Variants in CEP126 observed in about 807,000 individuals in gnomAD.
CEP126 encodes the protein centrosomal protein 126.
In CEP126, 74 loss-of-function variants were observed where a neutral mutation model predicts 107.8. The observed-to-expected ratio is 0.69, with a 90% CI of 0.57 to 0.83. CEP126 has a LOEUF of 0.83. CEP126 is among the 40% of genes least tolerant of loss of function. The pLI, the probability that CEP126 is intolerant of heterozygous loss-of-function variation, is 0.00. For missense variants in CEP126, 1,237 were observed against 1,281.9 expected, an observed-to-expected ratio of 0.96 and a Z score of 0.53; for synonymous variants, 449 against 446.0, an observed-to-expected ratio of 1.01 and a Z score of -0.08.
At chr11:101,942,397 T>G (rs1223391794) in intron 2 of CEP126, among the ~76,000 whole-genome samples, 1 of 152,078 alleles carries the variant, frequency 6.6e-6, no homozygotes, top group Non-Finnish European at 1.5e-5. Context: ...TTAGATGGTT[T>G]TGGCATCCTT....
chr11:101,915,082 G>A lies in CEP126; in HGVS notation c.-203G>A. 1.5e-6 allele frequency: 1 copy of A among 667,702 alleles called. No homozygotes were observed. The highest frequency in any genetic ancestry group is 2.3e-6 in the Non-Finnish European group (1 of 428,628). 41.4% of individuals were successfully genotyped at this position (667,702 alleles called of 1,614,324 possible). On this transcript the variant is annotated 5_prime_UTR_variant, in exon 1 of 11. Transcript: ENST00000263468. ...CCATCTGCTATTGCCCGGCGAGGTC[G>A]CCGCTGCCTCAGCTGCCATCGCCGC...
At chr11:101,969,734 C>T (rs891339366) in intron 6 of CEP126, among the ~76,000 whole-genome samples, 4 of 152,072 alleles carry the variant, frequency 2.6e-5, no homozygotes, top group African/African-American at 7.2e-5. Flanking sequence ...GTAATTATTA[C>T]AATATGGCAT....
chr11:101,957,639 C>T (rs1357170294), intron 4 of CEP126, among the ~76,000 whole-genome samples: 1 of 152,106 alleles, frequency 6.6e-6, no homozygotes, highest in Non-Finnish European at 1.5e-5. Context: ...CCATTGAGGA[C>T]GATCCAAGTT....
rs767607882 is a variant in CEP126, at chr11:101,948,070, A to C, written c.434A>C (p.Lys145Thr). 5 of 1,612,062 alleles carry C rather than the reference A, an allele frequency of 3.1e-6. No homozygotes were observed. In the African/African-American group the frequency reaches 6.7e-5, roughly 22 times the overall value. The change falls in exon 4 of 11, where the codon AAA becomes ACA. Residue 145 changes from lysine to threonine, a missense_variant. This residue lies in a region of CEP126 where 1,134 missense variants were observed against 1,150.5 expected (regional missense o/e 0.99). Transcript: ENST00000263468. ...KPVPPLEEAL[K>T]QIQESNLKSE... Reference sequence around the variant, plus strand: ...GTTCCTCCATTAGAAGAGGCCCTCAAACAAATTCAGGAATCCAACTTAAAA... The same window carrying C: ...GTTCCTCCATTAGAAGAGGCCCTCACACAAATTCAGGAATCCAACTTAAAA...
At chr11:101,988,644 C>G (rs1301741959) in intron 9 of CEP126, among the ~76,000 whole-genome samples, 1 of 151,942 alleles carries the variant, frequency 6.6e-6, no homozygotes, top group Non-Finnish European at 1.5e-5. Flanking sequence ...ACAACATGTC[C>G]AATGTGCTGA....
At chr11:101,972,580 A>G (rs986288031) in intron 6 of CEP126, among the ~76,000 whole-genome samples, 1 of 152,040 alleles carries the variant, frequency 6.6e-6, no homozygotes, top group Non-Finnish European at 1.5e-5. Flanking sequence ...AGGCAGGCGG[A>G]TCACAAGGTC....
chr11:101,979,723 G>C (rs1227354667), intron 7 of CEP126, among the ~76,000 whole-genome samples: 1 of 152,148 alleles, frequency 6.6e-6, no homozygotes, highest in Admixed American at 6.6e-5. Flanking sequence ...AGGTGACAGA[G>C]CAAGACCCTG....
intron 6 of CEP126, among the ~76,000 whole-genome samples, chr11:101,965,054 A>G (rs923912741): frequency 1.3e-5 from 2 of 152,156 alleles, no homozygotes; most frequent in Non-Finnish European, 2.9e-5. Flanking sequence ...GTGAGAGCAA[A>G]AAAATGATAT....
rs1941491976 is a variant in CEP126 at position 102,000,209 on chromosome 11, G to A, written c.*2566G>A. ...GAATAAATAAAATAAAAATAAAAATGTTACTTTTTAAAAAGTAACTTTTTT... is the reference window on the plus strand; with the variant it reads ...GAATAAATAAAATAAAAATAAAAATATTACTTTTTAAAAAGTAACTTTTTT... On this transcript the variant is annotated 3_prime_UTR_variant, in exon 11 of 11. Coordinates refer to ENST00000263468, the MANE Select transcript of CEP126 (RefSeq NM_020802.4). 1 of 151,950 alleles carries A rather than the reference G, an allele frequency of 6.6e-6. No homozygotes were observed. Among genetic ancestry groups the A allele is most frequent in the Non-Finnish European group, 1.5e-5 (1 of 68,008 alleles). 9.4% of individuals were successfully genotyped at this position (151,950 alleles called of 1,614,324 possible).
Position 102,000,652 on chromosome 11 carries a change from A to G in CEP126, c.*3009A>G, listed in dbSNP as rs1941497224. 1 of 152,112 alleles carries G rather than the reference A, an allele frequency of 6.6e-6. No individual in the cohort carries two copies. The allele number at this position is 152,112 out of a possible 1,614,324, so 9.4% of individuals were successfully genotyped here. A position where few individuals can be genotyped will look rare whatever the true frequency, so the allele number is the denominator to read the frequency against. ...GGTTGCAGTGATCAGGAATTGTGCC[A>G]CTGCACTCCAACCTGAGTGACAGAG... On this transcript the variant is annotated 3_prime_UTR_variant, in exon 11 of 11. Transcript: ENST00000263468.
chr11:101,936,802 C>G (rs1940587404), intron 2 of CEP126, among the ~76,000 whole-genome samples: 1 of 152,138 alleles, frequency 6.6e-6, no homozygotes, highest in South Asian at 2.1e-4. Flanking sequence ...TTTTCTACAT[C>G]TATTTTGATG....
intron 2 of CEP126, among the ~76,000 whole-genome samples, chr11:101,940,185 A>C (rs1940644673): frequency 6.6e-6 from 1 of 152,226 alleles, no homozygotes; most frequent in Non-Finnish European, 1.5e-5. Flanking sequence ...ATGAGACATA[A>C]AGACGACAGT....
At chr11:101,922,824 C>G in intron 2 of CEP126, 64 bp downstream of exon 2, 1 of 1,344,588 alleles carries the variant, frequency 7.4e-7, no homozygotes, top group South Asian at 1.3e-5. Context: ...AATAGTTTCT[C>G]TACTTTGTAG....
At chr11:101,922,565 T>G (rs1940345977) in intron 1 of CEP126, 76 bp from the exon 2 acceptor site, 4 of 1,116,058 alleles carry the variant, frequency 3.6e-6, no homozygotes, top group Admixed American at 2.0e-5. Context: ...GAGGCTGTAG[T>G]TATATTTATC....
At chr11:101,959,517 A>G (rs758276164) in intron 5 of CEP126, among the ~76,000 whole-genome samples, 1 of 152,232 alleles carries the variant, frequency 6.6e-6, no homozygotes, top group Non-Finnish European at 1.5e-5. Context: ...CAATGTCAGC[A>G]TTCAATCAAA....
intron 6 of CEP126, among the ~76,000 whole-genome samples, chr11:101,964,181 T>C (rs1360019842): frequency 1.3e-5 from 2 of 151,556 alleles, no homozygotes. Flanking sequence ...TGCGTGCCTA[T>C]AGTCCCAGCT....
intron 10 of CEP126, among the ~76,000 whole-genome samples, chr11:101,994,930 T>C (rs956189451): frequency 6.6e-6 from 1 of 151,648 alleles, no homozygotes; most frequent in Non-Finnish European, 1.5e-5. Flanking sequence ...AACATGCAGG[T>C]TTGTTACATA....
At chr11:101,957,213 G>A (rs1009360183) in intron 4 of CEP126, among the ~76,000 whole-genome samples, 3 of 152,026 alleles carry the variant, frequency 2.0e-5, no homozygotes, top group Admixed American at 2.0e-4. Context: ...TTGGAGATAG[G>A]GAATAGGTAT....
intron 6 of CEP126, among the ~76,000 whole-genome samples, chr11:101,967,866 A>C (rs1941075912): frequency 2.0e-5 from 3 of 152,220 alleles, no homozygotes; most frequent in South Asian, 2.1e-4. Context: ...GGGAGAGAAG[A>C]AGGTGAATAG....
Sources: allele counts gnomAD v4.1 joint callset (sites outside exome capture counted in the v4.1 genomes callset), GRCh38; gene constraint gnomAD v4.1.1; regional missense constraint gnomAD v4.1.1; transcripts MANE v1.5; gene names NCBI Gene and HGNC (gene_info 2026-07-23, HGNC 2026-07-21).